The following MGA variants were observed in gnomAD, a reference collection of about 807,000 sequenced individuals.
MGA encodes the protein MAX dimerization protein MGA.
Under a neutral mutation model 261.1 loss-of-function variants are expected in MGA, and 40 were observed. That is an observed-to-expected ratio of 0.15 (90% CI 0.12 to 0.20). MGA has a LOEUF of 0.20. Ranked by LOEUF, MGA falls within the 10% of genes least tolerant of loss-of-function variation. MGA has a pLI of 1.00. For missense variants in MGA, 3,397 were observed against 3,630.5 expected, an observed-to-expected ratio of 0.94 and a Z score of 1.65; for synonymous variants, 1,302 against 1,290.6, an observed-to-expected ratio of 1.01 and a Z score of -0.19.
chr15:41,706,276 A>G (rs1285966374), intron 5 of MGA, among the ~76,000 whole-genome samples: 1 of 151,790 alleles, frequency 6.6e-6, no homozygotes, highest in Admixed American at 6.6e-5. Flanking sequence ...ATGTAATACA[A>G]TAAAGATATG....
chr15:41,633,978 T>C (rs981273473), intron 1 of MGA, among the ~76,000 whole-genome samples: 2 of 152,158 alleles, frequency 1.3e-5, no homozygotes, highest in Admixed American at 6.6e-5. Context: ...TGCTTTTCCT[T>C]GTTCATGCTG....
At chr15:41,725,298 C>A (rs2151654518) in intron 9 of MGA, among the ~76,000 whole-genome samples, 1 of 152,246 alleles carries the variant, frequency 6.6e-6, no homozygotes, top group East Asian at 1.9e-4. Context: ...CATAGTGAGA[C>A]CTGGTCTCTA....
chr15:41,631,775 C>T (rs2056593184), intron 1 of MGA, among the ~76,000 whole-genome samples: 1 of 152,056 alleles, frequency 6.6e-6, no homozygotes, highest in African/African-American at 2.4e-5. Context: ...TATGTATTTT[C>T]ATATTTGAAT....
intron 1 of MGA, among the ~76,000 whole-genome samples, chr15:41,637,039 C>T (rs1230006923): frequency 1.3e-5 from 2 of 149,714 alleles, no homozygotes; most frequent in Admixed American, 6.7e-5. Context: ...GCTCTGGGGG[C>T]GGGGGTGGTA....
intron 1 of MGA, among the ~76,000 whole-genome samples, chr15:41,633,374 GAC>G (rs1446441300): frequency 2.2e-5 from 3 of 134,292 alleles, no homozygotes; most frequent in Admixed American, 7.9e-5. Flanking sequence ...TTTTTTTTGA[GAC>G]AGAGTCTTGC....
chr15:41,724,987 A>G (rs1242550367), intron 9 of MGA, among the ~76,000 whole-genome samples: 2 of 152,202 alleles, frequency 1.3e-5, no homozygotes, highest in African/African-American at 4.8e-5. Flanking sequence ...GTCATGAAAG[A>G]TTAATTGAAG....
At chr15:41,681,116 A>G (rs1457318642) in intron 2 of MGA, among the ~76,000 whole-genome samples, 1 of 152,212 alleles carries the variant, frequency 6.6e-6, no homozygotes, top group African/African-American at 2.4e-5. Context: ...CAAGCTCATT[A>G]TACAGCAAAT....
chr15:41,734,484 G>A (rs2061672486), intron 11 of MGA, 38 bp from the exon 12 acceptor site: 2 of 1,504,894 alleles, frequency 1.3e-6, no homozygotes, highest in Admixed American at 3.7e-5. Flanking sequence ...TTGAATATAT[G>A]TTAAGTTAAA....
At chr15:41,643,777 T>TTTC (rs2056875490) in intron 1 of MGA, among the ~76,000 whole-genome samples, 1 of 151,340 alleles carries the variant, frequency 6.6e-6, no homozygotes, top group Non-Finnish European at 1.5e-5. Flanking sequence ...TTTTTTTTTT[T>TTTC]TTCCCTGAGA....
At chr15:41,762,502 C>G in intron 22 of MGA, 140 bp downstream of exon 22, 1 of 556,990 alleles carries the variant, frequency 1.8e-6, no homozygotes, top group Non-Finnish European at 2.8e-6. Flanking sequence ...GGAGACAGCT[C>G]TGTCGCCCAG....
intron 9 of MGA, among the ~76,000 whole-genome samples, chr15:41,722,166 C>T (rs2060979367): frequency 7.5e-6 from 1 of 132,692 alleles, no homozygotes; most frequent in African/African-American, 2.9e-5. Flanking sequence ...GTCTTGCTCT[C>T]TCGCCCAGGC....
rs532680103 is a variant in MGA at position 41,710,808 on chromosome 15, C to T, written c.2543C>T (p.Ala848Val). ...ACAAGCATGGGTTTTTCTTCTAATG[C>T]TCCCACATCTCCTGTGGTGTACCAG... is the stretch of plus-strand genomic sequence containing the variant. Residue 848 changes from alanine to valine, a missense_variant, in exon 8 of 24, where the codon GCT (alanine) becomes GTT (valine). Around this residue, in one of 9 missense-constraint regions of MGA, gnomAD observed 519 missense variants for 554.1 expected, o/e 0.94. Coordinates refer to ENST00000219905, the MANE Select transcript of MGA (RefSeq NM_001164273.2). 114 of 1,613,938 alleles carry T rather than the reference C, an allele frequency of 7.1e-5. No homozygotes were observed. The Middle Eastern group carries it at 1.2e-3, about 16-fold the overall frequency.
At chr15:41,703,917 C>T (rs1053157082) in intron 5 of MGA, among the ~76,000 whole-genome samples, 8 of 152,248 alleles carry the variant, frequency 5.3e-5, no homozygotes, top group African/African-American at 1.9e-4. Context: ...CCCCAGTGAT[C>T]ACATGTCAGC....
rs2063912923 is a variant in MGA at position 41,768,676 on chromosome 15, C to CT, written c.*1397dup. 6.6e-6 allele frequency: 1 copy of CT among 152,602 alleles called. No homozygotes were observed. Among genetic ancestry groups the CT allele is most frequent in the South Asian group, 2.1e-4 (1 of 4,820 alleles). 9.5% of individuals were successfully genotyped at this position (152,602 alleles called of 1,614,324 possible). ...AGGATTTGCTTGTGTTGTTAAAACA[C>CT]TAACACAAGAGCTTCCAGTGCCTGG... is the stretch of plus-strand genomic sequence containing the variant. On this transcript the variant is annotated 3_prime_UTR_variant, in exon 24 of 24. Transcript: ENST00000219905.
chr15:41,706,180 T>C (rs542398831), intron 5 of MGA, among the ~76,000 whole-genome samples: 2 of 149,418 alleles, frequency 1.3e-5, no homozygotes, highest in Non-Finnish European at 3.0e-5. Flanking sequence ...GAGGTTGCAG[T>C]GAGCCGAGAT....
At chr15:41,715,031 T>G (rs1043454432) in intron 9 of MGA, among the ~76,000 whole-genome samples, 6 of 152,072 alleles carry the variant, frequency 3.9e-5, no homozygotes, top group Admixed American at 6.6e-5. Flanking sequence ...ATTTTGTAAT[T>G]TACATTTTCG....
At chr15:41,704,856 T>A (rs779552985) in intron 5 of MGA, among the ~76,000 whole-genome samples, 105 of 152,326 alleles carry the variant, frequency 6.9e-4, no homozygotes, top group Non-Finnish European at 1.3e-3. Flanking sequence ...TGTCTTTGCT[T>A]GAATCTAAAG....
intron 2 of MGA, among the ~76,000 whole-genome samples, chr15:41,678,482 C>G (rs1343565619): frequency 6.6e-6 from 1 of 150,696 alleles, no homozygotes; most frequent in Admixed American, 6.6e-5. Context: ...AAAGACTGTC[C>G]TGGCCGGGTG....
intron 15 of MGA, 73 bp from the exon 16 acceptor site, chr15:41,748,564 T>G: frequency 1.4e-6 from 2 of 1,477,026 alleles, no homozygotes; most frequent in Non-Finnish European, 1.8e-6. Flanking sequence ...TTAAAAAATA[T>G]TATGAATACT....
Sources: allele counts gnomAD v4.1 joint callset (sites outside exome capture counted in the v4.1 genomes callset), GRCh38; gene constraint gnomAD v4.1.1; regional missense constraint gnomAD v4.1.1; transcripts MANE v1.5; gene names NCBI Gene and HGNC (gene_info 2026-07-23, HGNC 2026-07-21).